The following PDCD10 variants were observed in gnomAD, a reference collection of about 807,000 sequenced individuals.
The protein encoded by PDCD10 is programmed cell death 10.
PDCD10 carries 4 observed loss-of-function variants against 29.2 expected under a neutral mutation model. That is an observed-to-expected ratio of 0.14 (90% CI 0.07 to 0.31). The LOEUF (loss-of-function observed/expected upper bound fraction) is 0.31, where lower values mean the gene tolerates loss of function less well. Ranked by LOEUF, PDCD10 falls within the 10% of genes least tolerant of loss-of-function variation. The pLI, the probability that PDCD10 is intolerant of heterozygous loss-of-function variation, is 1.00. For synonymous variants in PDCD10, 70 were observed against 82.2 expected, an observed-to-expected ratio of 0.85 and a Z score of 0.80; for missense variants, 183 against 257.9, an observed-to-expected ratio of 0.71 and a Z score of 1.99.
At chr3:167,711,932 A>C (rs1190447791) in intron 3 of PDCD10, among the ~76,000 whole-genome samples, 3 of 152,172 alleles carry the variant, frequency 2.0e-5, no homozygotes, top group Non-Finnish European at 4.4e-5. Flanking sequence ...TCAAACATGA[A>C]GGAGAAATAA....
intron 5 of PDCD10, 77 bp downstream of exon 5, chr3:167,696,932 T>C: frequency 1.2e-6 from 1 of 824,836 alleles, no homozygotes; most frequent in Non-Finnish European, 2.1e-6. Flanking sequence ...GGAAGATCCT[T>C]TGGTCAAATA....
chr3:167,694,048 G>A (rs565585359), intron 6 of PDCD10, among the ~76,000 whole-genome samples: 1 of 152,148 alleles, frequency 6.6e-6, no homozygotes, highest in South Asian at 2.1e-4. Flanking sequence ...CCCATCTATG[G>A]AATGTTAAGC....
At chr3:167,712,077 T>C (rs758870168) in intron 3 of PDCD10, among the ~76,000 whole-genome samples, 23 of 152,116 alleles carry the variant, frequency 1.5e-4, no homozygotes, top group Non-Finnish European at 2.4e-4. Context: ...AGTACAAAAC[T>C]CACTGGTAAT....
chr3:167,722,644 C>T (rs1349693068), intron 2 of PDCD10, among the ~76,000 whole-genome samples: 2 of 151,994 alleles, frequency 1.3e-5, no homozygotes, highest in Non-Finnish European at 2.9e-5. Flanking sequence ...TCAAGAATCT[C>T]GGTATAAAGG....
intron 8 of PDCD10, among the ~76,000 whole-genome samples, chr3:167,686,434 A>AT (rs1719634638): frequency 1.3e-5 from 2 of 152,198 alleles, no homozygotes; most frequent in Non-Finnish European, 2.9e-5. Flanking sequence ...CTTTTACAAA[A>AT]TATCTAAACC....
chr3:167,696,756 A>T (rs1372717775), intron 5 of PDCD10, among the ~76,000 whole-genome samples: 1 of 152,186 alleles, frequency 6.6e-6, no homozygotes, highest in Non-Finnish European at 1.5e-5. Flanking sequence ...AGGGGGGAAA[A>T]ATTGAAGTAT....
chr3:167,728,378 AC>A (rs1724438652), intron 2 of PDCD10, among the ~76,000 whole-genome samples: 2 of 152,094 alleles, frequency 1.3e-5, no homozygotes, highest in Non-Finnish European at 2.9e-5. Flanking sequence ...TGTTGTAGTA[AC>A]CTTATATAAG....
intron 6 of PDCD10, among the ~76,000 whole-genome samples, chr3:167,690,876 C>A (rs999217354): frequency 6.6e-6 from 1 of 152,190 alleles, no homozygotes; most frequent in Admixed American, 6.5e-5. Context: ...TCCAAGGTTA[C>A]ATAGCTAAAT....
chr3:167,685,593 G>A (rs1719536183), intron 8 of PDCD10, among the ~76,000 whole-genome samples: 1 of 152,056 alleles, frequency 6.6e-6, no homozygotes, highest in East Asian at 1.9e-4. Flanking sequence ...TGAATGGAGA[G>A]AAAGTAGTAG....
At chr3:167,698,124 A>G (rs890772142) in intron 4 of PDCD10, 1 of 358,780 alleles carries the variant, frequency 2.8e-6, no homozygotes, top group Non-Finnish European at 5.5e-6. Flanking sequence ...TTCTCTTCCT[A>G]TTGCTCTTTC....
At chr3:167,732,591 C>G (rs1363624299) in intron 2 of PDCD10, among the ~76,000 whole-genome samples, 1 of 152,100 alleles carries the variant, frequency 6.6e-6, no homozygotes, top group African/African-American at 2.4e-5. Context: ...GAAGAAATAT[C>G]AAAACTATAA....
At chr3:167,715,561 G>GA (rs1036059314) in intron 3 of PDCD10, among the ~76,000 whole-genome samples, 46 of 150,090 alleles carry the variant, frequency 3.1e-4, no homozygotes, top group African/African-American at 8.5e-4. Context: ...AACTGTACAG[G>GA]AAAAAAAAAT....
chr3:167,723,145 C>T (rs938757225), intron 2 of PDCD10, among the ~76,000 whole-genome samples: 16 of 152,200 alleles, frequency 1.1e-4, no homozygotes, highest in Admixed American at 7.9e-4. Flanking sequence ...TCAACAATTC[C>T]AATACGGCTT....
chr3:167,714,613 A>G (rs954167670), intron 3 of PDCD10, among the ~76,000 whole-genome samples: 3 of 152,068 alleles, frequency 2.0e-5, no homozygotes, highest in African/African-American at 7.2e-5. Flanking sequence ...TGAAATCAAC[A>G]TATAAAAATC....
chr3:167,687,753 A>G, intron 6 of PDCD10, 60 bp from the exon 7 acceptor site: 1 of 864,898 alleles, frequency 1.2e-6, no homozygotes, highest in East Asian at 2.4e-5. Context: ...GAGAGAAAAG[A>G]ACATCAGCTA....
At chr3:167,709,089 T>C (rs752521600) in intron 3 of PDCD10, among the ~76,000 whole-genome samples, 3 of 152,080 alleles carry the variant, frequency 2.0e-5, no homozygotes, top group Admixed American at 6.5e-5. Flanking sequence ...CCTACCTGCA[T>C]TGTGAAGAAT....
chr3:167,726,346 G>A (rs1322628859), intron 2 of PDCD10, among the ~76,000 whole-genome samples: 1 of 151,932 alleles, frequency 6.6e-6, no homozygotes, highest in Non-Finnish European at 1.5e-5. Flanking sequence ...TGATCCACCC[G>A]CCTCAGCCTC....
At position 167,683,303 on chromosome 3, in the gene PDCD10, AT is replaced by A. The variant is rs946456319; in HGVS notation, c.*1004del. ...CTTTATAAAAGATAAGCAAATTCTG[AT>A]TTTTTCCCTTTATTTTATAATTGAA... On this transcript the variant is annotated 3_prime_UTR_variant, in exon 9 of 9. Transcript: ENST00000392750. 6.6e-6 allele frequency: 1 copy of A among 152,032 alleles called. No individual in the cohort carries two copies. Among genetic ancestry groups the A allele is most frequent in the African/African-American group, 2.4e-5 (1 of 41,432 alleles). 9.4% of individuals were successfully genotyped at this position (152,032 alleles called of 1,614,324 possible).
chr3:167,687,092 A>G (rs1559944320), intron 8 of PDCD10, 142 bp downstream of exon 8: 3 of 568,400 alleles, frequency 5.3e-6, no homozygotes, highest in East Asian at 5.8e-5. Flanking sequence ...TTCATTTTCT[A>G]TTGTTAATGG....
Sources: gnomAD v4.1 joint callset for allele counts (sites outside exome capture counted in the v4.1 genomes callset) on GRCh38, gnomAD v4.1.1 for gene constraint, MANE v1.5 for transcripts, NCBI Gene and HGNC (gene_info 2026-07-23, HGNC 2026-07-21) for gene names.